FABP6: variants seen among roughly 807,000 people sequenced by gnomAD.
FABP6 encodes fatty acid binding protein 6, also known as gastrotropin.
FABP6 carries 13 observed loss-of-function variants against 14.9 expected under a neutral mutation model. That is an observed-to-expected ratio of 0.87 (90% CI 0.57 to 1.39). The LOEUF (loss-of-function observed/expected upper bound fraction) is 1.39, where lower values mean the gene tolerates loss of function less well. Among genes scored for constraint, FABP6 ranks in the 40% most tolerant of loss-of-function variants. The probability of loss-of-function intolerance (pLI) is 0.00; values close to 1 mark genes in which losing one functional copy is unlikely to be tolerated. For synonymous variants in FABP6, 75 were observed against 63.6 expected (o/e 1.18, Z -0.85); for missense variants, 161 against 167.2 (o/e 0.96, Z 0.20).
At chr5:160,187,890 T>A (rs528554617) in intron 1 of FABP6, among the ~76,000 whole-genome samples, 1 of 152,190 alleles carries the variant, frequency 6.6e-6, no homozygotes, top group African/African-American at 2.4e-5. Context: ...GTAGCTGGGA[T>A]TACAGGCATG....
upstream of FABP6, among the ~76,000 whole-genome samples, chr5:160,224,685 A>G (rs545717109): frequency 5.9e-5 from 9 of 152,178 alleles, no homozygotes; most frequent in African/African-American, 1.9e-4. Context: ...TCCCAGGACT[A>G]TGAAAGGCTA....
intron 3 of FABP6, chr5:160,213,857 T>C (rs756107472): frequency 1.3e-6 from 2 of 1,551,194 alleles, no homozygotes; most frequent in South Asian, 2.2e-5. Context: ...GTTCCTGACG[T>C]TTTTCAGATT....
chr5:160,228,307 C>G (rs1760295105), upstream of FABP6, among the ~76,000 whole-genome samples: 1 of 152,126 alleles, frequency 6.6e-6, no homozygotes, highest in Admixed American at 6.5e-5. Flanking sequence ...AGGAGAATTG[C>G]TTGAACCCGG....
At chr5:160,213,826 G>C (rs768963040) in intron 3 of FABP6, 1 of 1,610,974 alleles carries the variant, frequency 6.2e-7, no homozygotes, top group Non-Finnish European at 8.5e-7. Flanking sequence ...AAAGGTATGG[G>C]GTAGAAGAAG....
rs546455334 is a variant in FABP6, at chr5:160,238,151, T to C, written c.334-455T>C. 7.9e-5 allele frequency among the ~76,000 whole-genome samples: 12 copies of C among 152,270 alleles called. No individual in the cohort carries two copies. In the South Asian group the frequency reaches 2.5e-3, roughly 32 times the overall value. Reference sequence around the variant, plus strand: ...CCTCTCCCACTAAACCTTAGGCTTCTCGAGAGTAGGGACTGTATCTTCCCA... The same window carrying C: ...CCTCTCCCACTAAACCTTAGGCTTCCCGAGAGTAGGGACTGTATCTTCCCA... On this transcript the variant is annotated intron_variant, in intron 3 of 3. Transcript: ENST00000402432.
intron 1 of FABP6, among the ~76,000 whole-genome samples, chr5:160,194,758 G>A (rs1296138883): frequency 6.6e-6 from 1 of 151,940 alleles, no homozygotes; most frequent in Non-Finnish European, 1.5e-5. Context: ...CTTGATGGCA[G>A]TCCCTTTAGA....
intron 3 of FABP6, among the ~76,000 whole-genome samples, chr5:160,221,800 C>T (rs940305539): frequency 3.3e-5 from 5 of 151,962 alleles, no homozygotes; most frequent in African/African-American, 7.3e-5. Flanking sequence ...CAAGACAAAA[C>T]AGTGTCTCCG....
At chr5:160,220,984 G>C (rs1189717559) in intron 3 of FABP6, among the ~76,000 whole-genome samples, 1 of 151,508 alleles carries the variant, frequency 6.6e-6, no homozygotes, top group East Asian at 2.0e-4. Flanking sequence ...AGCTACTTGG[G>C]AGGCTAAGGC....
intron 3 of FABP6, among the ~76,000 whole-genome samples, chr5:160,214,089 C>CTCTTTCTTTCTT (rs10605033): frequency 2.7e-4 from 31 of 116,384 alleles, no homozygotes; most frequent in East Asian, 5.2e-4. Flanking sequence ...GCCTGCCTTT[C>CTCTTTCTTTCTT]TCTTTCTTTC....
intron 2 of FABP6, among the ~76,000 whole-genome samples, chr5:160,201,531 C>T (rs1441756763): frequency 2.0e-5 from 3 of 152,022 alleles, no homozygotes; most frequent in Non-Finnish European, 2.9e-5. Context: ...ATAATTTAAA[C>T]GTTTTTTAAA....
chr5:160,216,865 C>T (rs1378679360), intron 3 of FABP6, among the ~76,000 whole-genome samples: 2 of 152,110 alleles, frequency 1.3e-5, no homozygotes, highest in African/African-American at 4.8e-5. Flanking sequence ...TCACTAAGTA[C>T]CAAAGGAGCA....
chr5:160,221,335 C>T (rs1199389156), intron 3 of FABP6, among the ~76,000 whole-genome samples: 1 of 151,994 alleles, frequency 6.6e-6, no homozygotes, highest in Non-Finnish European at 1.5e-5. Context: ...TTGGACTAAT[C>T]AAAAAAGCCT....
At chr5:160,200,876 A>G (rs1272385911) in intron 2 of FABP6, among the ~76,000 whole-genome samples, 6 of 152,110 alleles carry the variant, frequency 3.9e-5, no homozygotes, top group African/African-American at 1.4e-4. Flanking sequence ...AGGTGGCCTT[A>G]GCATTGCCAG....
At chr5:160,191,285 G>A (rs1394905446) in intron 1 of FABP6, among the ~76,000 whole-genome samples, 1 of 151,914 alleles carries the variant, frequency 6.6e-6, no homozygotes, top group African/African-American at 2.4e-5. Context: ...GGCCAACATG[G>A]TGACACCCCG....
At chr5:160,187,724 C>G (rs1446977188) in intron 1 of FABP6, among the ~76,000 whole-genome samples, 1 of 151,154 alleles carries the variant, frequency 6.6e-6, no homozygotes, top group Non-Finnish European at 1.5e-5. Flanking sequence ...CTGAGCTGCA[C>G]CCTTAAAAAT....
At chr5:160,199,468 C>T (rs1179506805) in intron 2 of FABP6, among the ~76,000 whole-genome samples, 13 of 152,246 alleles carry the variant, frequency 8.5e-5, no homozygotes, top group South Asian at 6.2e-4. Flanking sequence ...CCCCTGGGCT[C>T]ACCCCCTCCT....
At chr5:160,188,497 G>A (rs1202874725) in intron 1 of FABP6, among the ~76,000 whole-genome samples, 1 of 152,188 alleles carries the variant, frequency 6.6e-6, no homozygotes, top group South Asian at 2.1e-4. Flanking sequence ...GGAACTGCAG[G>A]GAGGCCACTC....
upstream of FABP6, among the ~76,000 whole-genome samples, chr5:160,226,416 C>A (rs190863274): frequency 2.6e-5 from 4 of 151,522 alleles, no homozygotes; most frequent in Admixed American, 6.6e-5. Flanking sequence ...AGAAAATTAG[C>A]CGGGCATGAT....
intron 1 of FABP6, among the ~76,000 whole-genome samples, chr5:160,188,851 C>T (rs10052088): frequency 0.23 from 35,484 of 152,056 alleles, 4,182 homozygotes; most frequent in South Asian, 0.26. Flanking sequence ...TGAAACTCTT[C>T]CCTCCCCCAT....
Sources: gnomAD v4.1 joint callset for allele counts (sites outside exome capture counted in the v4.1 genomes callset) on GRCh38, gnomAD v4.1.1 for gene constraint, MANE v1.5 for transcripts, NCBI Gene and HGNC (gene_info 2026-07-23, HGNC 2026-07-21) for gene names.